COL23A1: variants seen among roughly 807,000 people sequenced by gnomAD.
COL23A1 encodes the protein collagen type XXIII alpha 1 chain.
In COL23A1, 97 loss-of-function variants were observed where a neutral mutation model predicts 99.3. The ratio of observed to expected loss-of-function variants is 0.98; its 90% CI spans 0.83 to 1.16. The LOEUF (loss-of-function observed/expected upper bound fraction) is 1.16. Ranked by LOEUF, COL23A1 falls within the 50% of genes most tolerant of loss-of-function variation. COL23A1 has a pLI of 0.00. For missense variants in COL23A1, 762 were observed against 757.4 expected, an observed-to-expected ratio of 1.01 and a Z score of -0.07; for synonymous variants, 320 against 308.2, an observed-to-expected ratio of 1.04 and a Z score of -0.40.
chr5:178,308,051 ATGTG>A lies in COL23A1; in HGVS notation c.362-1136_362-1133del, dbSNP rs1418357897. 4.0e-5 allele frequency among the ~76,000 whole-genome samples: 6 copies of A among 151,448 alleles called. No individual in the cohort carries two copies. The highest frequency in any genetic ancestry group is 1.3e-4 in the Admixed American group (2 of 15,230). Reference sequence around the variant, plus strand: ...CATGTGTCTGTGTGTGTCTCTATGTATGTGTGTTTGTGTGCATGTGTGTGTCTGT... The same window carrying A: ...CATGTGTCTGTGTGTGTCTCTATGTATGTTTGTGTGCATGTGTGTGTCTGT... On this transcript the variant is annotated intron_variant, in intron 2 of 28. Coordinates refer to ENST00000390654, the MANE Select transcript of COL23A1 (RefSeq NM_173465.4). This position sits in a 1 kb window ranked among gnomAD's most constrained non-coding sequence, Gnocchi z 5.1.
At chr5:178,367,577 C>T (rs570484379) in intron 2 of COL23A1, among the ~76,000 whole-genome samples, 4 of 152,094 alleles carry the variant, frequency 2.6e-5, no homozygotes, top group East Asian at 1.9e-4. Context: ...TCCCACTGTA[C>T]GAGCCGGGAG....
chr5:178,264,750 G>C (rs544897065), intron 8 of COL23A1, among the ~76,000 whole-genome samples: 1 of 152,160 alleles, frequency 6.6e-6, no homozygotes, highest in Non-Finnish European at 1.5e-5. Context: ...TCCACCTCCC[G>C]GGTTCAAGCG....
chr5:178,252,418 G>T, intron 17 of COL23A1, 126 bp downstream of exon 17: 1 of 807,316 alleles, frequency 1.2e-6, no homozygotes, highest in Non-Finnish European at 1.9e-6. Context: ...CCCGTTCTCT[G>T]AGCTCCCGGA....
chr5:178,582,207 A>C (rs1057365620), intron 1 of COL23A1, among the ~76,000 whole-genome samples: 1 of 74,548 alleles, frequency 1.3e-5, no homozygotes, highest in East Asian at 5.2e-4. Context: ...ACTCTATCTC[A>C]AAAAAAAAAA....
At chr5:178,572,672 G>A (rs1763166553) in intron 1 of COL23A1, among the ~76,000 whole-genome samples, 1 of 152,156 alleles carries the variant, frequency 6.6e-6, no homozygotes, top group Non-Finnish European at 1.5e-5. Context: ...CCACTCCAAG[G>A]TATTTACATC....
chr5:178,523,143 A>AATATATACAT (rs1760047093), intron 2 of COL23A1, among the ~76,000 whole-genome samples: 4 of 106,224 alleles, frequency 3.8e-5, no homozygotes, highest in African/African-American at 9.5e-5. Flanking sequence ...TCTATTTAAA[A>AATATATACAT]ATATATATAT....
chr5:178,556,625 T>TTAAAATAAAATAAAA (rs374978162), intron 2 of COL23A1, among the ~76,000 whole-genome samples: 2,773 of 124,512 alleles, frequency 0.022, 49 homozygotes, highest in African/African-American at 0.049. Flanking sequence ...CTCTGTCAAA[T>TTAAAATAAAATAAAA]TAAAATAAAA....
chr5:178,498,255 T>TATAAAA (rs1554184593), intron 2 of COL23A1, among the ~76,000 whole-genome samples: 21 of 70,940 alleles, frequency 3.0e-4, no homozygotes, highest in Middle Eastern at 9.1e-3. Context: ...TATATATATA[T>TATAAAA]ATAAAAGAAC....
At chr5:178,522,965 A>G (rs991654159) in intron 2 of COL23A1, among the ~76,000 whole-genome samples, 1 of 151,370 alleles carries the variant, frequency 6.6e-6, no homozygotes, top group East Asian at 1.9e-4. Flanking sequence ...CCTATACTCT[A>G]TTTCTCTGGC....
At chr5:178,478,211 G>A (rs765162100) in intron 2 of COL23A1, among the ~76,000 whole-genome samples, 61 of 152,364 alleles carry the variant, frequency 4.0e-4, no homozygotes, top group Admixed American at 2.4e-3. Context: ...AGATTGATGT[G>A]TGAGATGGGA....
At chr5:178,279,272 C>G (rs897136021) in intron 5 of COL23A1, among the ~76,000 whole-genome samples, 4 of 152,204 alleles carry the variant, frequency 2.6e-5, no homozygotes, top group Non-Finnish European at 5.9e-5. Context: ...CAGCTCCCGC[C>G]CCCGCCAGTT....
chr5:178,246,982 G>A (rs1006543217), intron 22 of COL23A1, among the ~76,000 whole-genome samples: 5 of 152,224 alleles, frequency 3.3e-5, no homozygotes, highest in African/African-American at 9.6e-5. Flanking sequence ...CTCACGCCAG[G>A]AGGGTGGTGT....
chr5:178,440,636 A>C (rs1397240261), intron 2 of COL23A1, among the ~76,000 whole-genome samples: 1 of 139,532 alleles, frequency 7.2e-6, no homozygotes, highest in Non-Finnish European at 1.5e-5. Context: ...TTTTTCTGAG[A>C]TGGAGTTTCA....
At chr5:178,305,932 G>A (rs972194777) in intron 3 of COL23A1, among the ~76,000 whole-genome samples, 7 of 152,146 alleles carry the variant, frequency 4.6e-5, no homozygotes, top group African/African-American at 1.7e-4. Context: ...CTGTGACGGG[G>A]AAGCCCAGGG....
intron 2 of COL23A1, among the ~76,000 whole-genome samples, chr5:178,361,407 G>A (rs1762167130): frequency 6.6e-6 from 1 of 152,162 alleles, no homozygotes; most frequent in African/African-American, 2.4e-5. Flanking sequence ...CCCTTGCTCT[G>A]AGGAATGATC....
At chr5:178,573,868 T>C (rs915559406) in intron 1 of COL23A1, among the ~76,000 whole-genome samples, 30 of 152,090 alleles carry the variant, frequency 2.0e-4, no homozygotes, top group Admixed American at 3.3e-4. Flanking sequence ...CTTTTTTTTT[T>C]TCTTTGTTGA....
intron 2 of COL23A1, among the ~76,000 whole-genome samples, chr5:178,471,875 C>T (rs561035651): frequency 1.6e-4 from 24 of 152,316 alleles, no homozygotes; most frequent in African/African-American, 4.6e-4. Context: ...CAGCTCCTTC[C>T]ACCCCCTGAC....
chr5:178,290,288 T>C (rs1029605575), intron 4 of COL23A1, 74 bp downstream of exon 4: 1 of 1,608,290 alleles, frequency 6.2e-7, no homozygotes, highest in Non-Finnish European at 8.5e-7. Flanking sequence ...AAAATTATGT[T>C]CATGGAATTG....
intron 2 of COL23A1, among the ~76,000 whole-genome samples, chr5:178,555,056 T>C (rs1192144493): frequency 6.6e-6 from 1 of 152,086 alleles, no homozygotes; most frequent in Non-Finnish European, 1.5e-5. Flanking sequence ...ACAGCAGAAA[T>C]GTGATAAGGT....
Sources: gnomAD v4.1 joint callset for allele counts (sites outside exome capture counted in the v4.1 genomes callset) on GRCh38, gnomAD v4.1.1 for gene constraint, Gnocchi (gnomAD v3.1) non-coding constraint, MANE v1.5 for transcripts, NCBI Gene and HGNC (gene_info 2026-07-23, HGNC 2026-07-21) for gene names.